CNTN4: variants seen among roughly 807,000 people sequenced by gnomAD.
CNTN4 encodes the protein contactin 4.
CNTN4 carries 77 observed loss-of-function variants against 122.5 expected under a neutral mutation model. The observed-to-expected ratio is 0.63, with a 90% confidence interval of 0.52 to 0.76. The LOEUF (loss-of-function observed/expected upper bound fraction) is 0.76, where lower values mean the gene tolerates loss of function less well. Ranked by LOEUF, CNTN4 falls within the 30% of genes least tolerant of loss-of-function variation. CNTN4 has a pLI of 0.00. For missense variants in CNTN4, 1,256 were observed against 1,259.1 expected (o/e 1.00, Z 0.04); for synonymous variants, 512 against 447.0 (o/e 1.15, Z -1.83).
chr3:2,202,791 C>A (rs375629202), intron 2 of CNTN4, among the ~76,000 whole-genome samples: 1 of 151,686 alleles, frequency 6.6e-6, no homozygotes, highest in Non-Finnish European at 1.5e-5. Flanking sequence ...CTTATTTAAC[C>A]GGAGAATTGC....
intron 4 of CNTN4, among the ~76,000 whole-genome samples, chr3:2,677,844 A>G (rs1433016887): frequency 1.3e-5 from 2 of 152,220 alleles, no homozygotes; most frequent in Non-Finnish European, 2.9e-5. Context: ...TGCACAAGTC[A>G]AAAAATGAGA....
intron 2 of CNTN4, among the ~76,000 whole-genome samples, chr3:2,124,579 A>G (rs377309660): frequency 6.6e-6 from 1 of 151,792 alleles, no homozygotes; most frequent in South Asian, 2.1e-4. Flanking sequence ...TGGAGCAACA[A>G]AGTGAGCTCC....
At chr3:2,952,277 G>A (rs1182579338) in intron 13 of CNTN4, among the ~76,000 whole-genome samples, 1 of 152,202 alleles carries the variant, frequency 6.6e-6, no homozygotes, top group Non-Finnish European at 1.5e-5. Flanking sequence ...CTTAGTCCAA[G>A]ACTCTCTTGG....
chr3:2,610,002 C>T (rs563672164), intron 4 of CNTN4, among the ~76,000 whole-genome samples: 12 of 152,198 alleles, frequency 7.9e-5, no homozygotes, highest in African/African-American at 2.4e-4. Context: ...ATGATATCTT[C>T]TTGATTTCTC....
At chr3:2,211,573 C>A (rs546547492) in intron 2 of CNTN4, among the ~76,000 whole-genome samples, 1 of 152,124 alleles carries the variant, frequency 6.6e-6, no homozygotes, top group Admixed American at 6.6e-5. Flanking sequence ...ATATATAAGG[C>A]ATTCTAAAAC....
chr3:2,380,337 T>C (rs1245942597), intron 3 of CNTN4, among the ~76,000 whole-genome samples: 1 of 152,228 alleles, frequency 6.6e-6, no homozygotes, highest in Non-Finnish European at 1.5e-5. Flanking sequence ...TGTTTTTCTC[T>C]TTTGATTCTT....
intron 6 of CNTN4, among the ~76,000 whole-genome samples, chr3:2,747,931 A>G (rs1024869253): frequency 6.7e-6 from 1 of 150,362 alleles, no homozygotes; most frequent in African/African-American, 2.5e-5. Flanking sequence ...ATTCACTCCC[A>G]ATTCTTACTT....
intron 4 of CNTN4, among the ~76,000 whole-genome samples, chr3:2,597,578 A>G (rs988692939): frequency 5.3e-5 from 8 of 152,162 alleles, no homozygotes; most frequent in Non-Finnish European, 1.0e-4. Context: ...TCCCCAGGAA[A>G]GGTGCAGAAT....
At chr3:2,817,747 C>T (rs568694002) in intron 6 of CNTN4, among the ~76,000 whole-genome samples, 24 of 152,246 alleles carry the variant, frequency 1.6e-4, no homozygotes, top group African/African-American at 5.5e-4. Context: ...TATCTGTGCA[C>T]AAATGTAGAT....
At chr3:2,961,945 C>G (rs1403211970) in intron 13 of CNTN4, among the ~76,000 whole-genome samples, 1 of 152,204 alleles carries the variant, frequency 6.6e-6, no homozygotes, top group Non-Finnish European at 1.5e-5. Flanking sequence ...CTATAAAAAT[C>G]CATTGCCTTT....
chr3:2,185,751 C>T (rs2037222205), intron 2 of CNTN4, among the ~76,000 whole-genome samples: 1 of 152,136 alleles, frequency 6.6e-6, no homozygotes, highest in Non-Finnish European at 1.5e-5. Context: ...TTGGTTATTA[C>T]AGCCCTTAGA....
At chr3:2,197,130 T>C (rs568663818) in intron 2 of CNTN4, among the ~76,000 whole-genome samples, 1 of 152,142 alleles carries the variant, frequency 6.6e-6, no homozygotes, top group Admixed American at 6.5e-5. Flanking sequence ...GAAGAAACTT[T>C]CTTGAAGTTA....
chr3:2,556,074 C>A (rs1429150080), intron 3 of CNTN4, among the ~76,000 whole-genome samples: 1 of 152,092 alleles, frequency 6.6e-6, no homozygotes, highest in African/African-American at 2.4e-5. Context: ...ATTAAACTGT[C>A]TTTCCATTTG....
chr3:2,233,706 A>G (rs866206178), intron 2 of CNTN4, among the ~76,000 whole-genome samples: 1 of 152,122 alleles, frequency 6.6e-6, no homozygotes, highest in South Asian at 2.1e-4. Flanking sequence ...ATCCTAGATC[A>G]TAGTTATTAT....
chr3:2,957,296 C>G (rs775597763), intron 13 of CNTN4, among the ~76,000 whole-genome samples: 3 of 152,056 alleles, frequency 2.0e-5, no homozygotes, highest in African/African-American at 7.2e-5. Flanking sequence ...CTAGTCAATG[C>G]TTGTTGTCTC....
chr3:2,211,551 T>TA (rs1345897834), intron 2 of CNTN4, among the ~76,000 whole-genome samples: 1 of 152,172 alleles, frequency 6.6e-6, no homozygotes, highest in Non-Finnish European at 1.5e-5. Context: ...AAACCCCTTT[T>TA]AAAAAATTTT....
intron 2 of CNTN4, among the ~76,000 whole-genome samples, chr3:2,289,981 AT>A (rs71621479): frequency 0.11 from 16,205 of 152,156 alleles, 1,216 homozygotes; most frequent in Admixed American, 0.22. Context: ...AGTATTTAGT[AT>A]TTTTTAGATT....
intron 2 of CNTN4, among the ~76,000 whole-genome samples, chr3:2,118,180 G>A (rs1161811231): frequency 6.6e-6 from 1 of 152,100 alleles, no homozygotes; most frequent in Admixed American, 6.5e-5. Flanking sequence ...GATGACCCCT[G>A]GGTCCTAAAT....
intron 2 of CNTN4, among the ~76,000 whole-genome samples, chr3:2,336,204 A>G (rs1004689335): frequency 3.4e-5 from 5 of 148,804 alleles, no homozygotes; most frequent in Admixed American, 2.0e-4. Context: ...ATACATTTTG[A>G]TGATGTTTGT....
Sources: gnomAD v4.1 joint callset for allele counts (sites outside exome capture counted in the v4.1 genomes callset) on GRCh38, gnomAD v4.1.1 for gene constraint, MANE v1.5 for transcripts, NCBI Gene and HGNC (gene_info 2026-07-23, HGNC 2026-07-21) for gene names.